Variants in FSHR observed in about 807,000 individuals in gnomAD.
FSHR encodes the protein follicle-stimulating hormone receptor.
In FSHR, 46 loss-of-function variants were observed where a neutral mutation model predicts 52.1. The observed-to-expected ratio is 0.88, with a 90% CI of 0.70 to 1.13. The LOEUF (loss-of-function observed/expected upper bound fraction) is 1.13. Ranked by LOEUF, FSHR falls within the 50% of genes most tolerant of loss-of-function variation. The probability of loss-of-function intolerance (pLI) is 0.00; values close to 1 mark genes in which losing one functional copy is unlikely to be tolerated. For missense variants in FSHR, 964 were observed against 834.6 expected (o/e 1.16, Z -1.91); for synonymous variants, 399 against 309.6 (o/e 1.29, Z -3.03).
At chr2:49,139,060 C>G (rs142742669) in intron 1 of FSHR, among the ~76,000 whole-genome samples, 82 of 152,226 alleles carry the variant, frequency 5.4e-4, no homozygotes, top group African/African-American at 1.9e-3. Flanking sequence ...TTAGACAAAT[C>G]ATTTCATTTC....
intron 2 of FSHR, among the ~76,000 whole-genome samples, chr2:49,036,125 A>T (rs189470176): frequency 2.0e-5 from 3 of 152,216 alleles, no homozygotes; most frequent in Admixed American, 6.5e-5. Context: ...TAGATTCTCT[A>T]TTATGATGGA....
intron 8 of FSHR, among the ~76,000 whole-genome samples, chr2:48,970,267 C>T (rs1308495940): frequency 1.3e-5 from 2 of 152,154 alleles, no homozygotes; most frequent in African/African-American, 4.8e-5. Context: ...ACTTCCATTT[C>T]CCAAGCAAAT....
intron 3 of FSHR, among the ~76,000 whole-genome samples, chr2:49,019,394 T>C (rs1250342950): frequency 6.6e-6 from 1 of 152,220 alleles, no homozygotes; most frequent in Non-Finnish European, 1.5e-5. Context: ...TGACATTCTA[T>C]GATTCTATGA....
chr2:49,081,495 G>C (rs889620103), intron 1 of FSHR, among the ~76,000 whole-genome samples: 9 of 151,912 alleles, frequency 5.9e-5, no homozygotes, highest in Non-Finnish European at 1.3e-4. Flanking sequence ...TTCTCACCAG[G>C]GCATATCCCA....
At chr2:49,144,538 C>G (rs1672800538) in intron 1 of FSHR, among the ~76,000 whole-genome samples, 1 of 152,170 alleles carries the variant, frequency 6.6e-6, no homozygotes, top group Non-Finnish European at 1.5e-5. Flanking sequence ...CAGATGACCT[C>G]TTTGCTGTTC....
At chr2:48,967,455 A>T (rs1381582976) in intron 9 of FSHR, among the ~76,000 whole-genome samples, 1 of 152,084 alleles carries the variant, frequency 6.6e-6, no homozygotes, top group East Asian at 1.9e-4. Flanking sequence ...ACTTGGTGCA[A>T]AATTGGTATC....
chr2:49,058,455 G>A (rs769347952), intron 2 of FSHR, among the ~76,000 whole-genome samples: 4 of 152,034 alleles, frequency 2.6e-5, no homozygotes, highest in Non-Finnish European at 4.4e-5. Context: ...GCTGAGGCAG[G>A]GGAATCGCTG....
intron 4 of FSHR, among the ~76,000 whole-genome samples, chr2:48,998,736 C>G (rs1208139931): frequency 6.6e-6 from 1 of 151,728 alleles, no homozygotes; most frequent in Admixed American, 6.6e-5. Flanking sequence ...CCATTAAAAT[C>G]TAATATTACA....
intron 2 of FSHR, among the ~76,000 whole-genome samples, chr2:49,041,904 T>G (rs57839935): frequency 0.11 from 16,031 of 152,084 alleles, 1,539 homozygotes; most frequent in African/African-American, 0.23. Context: ...CTTAGCATGT[T>G]GGGAGGCCAA....
At chr2:49,050,258 A>G (rs1572680166) in intron 2 of FSHR, among the ~76,000 whole-genome samples, 1 of 152,188 alleles carries the variant, frequency 6.6e-6, no homozygotes, top group Non-Finnish European at 1.5e-5. Flanking sequence ...CAGCAAGCTC[A>G]GTTTGCAAAC....
At chr2:49,004,343 A>C (rs1171417439) in intron 4 of FSHR, among the ~76,000 whole-genome samples, 1 of 152,174 alleles carries the variant, frequency 6.6e-6, no homozygotes, top group East Asian at 1.9e-4. Flanking sequence ...TAAGCTTCTC[A>C]CTGCTTCTGC....
rs1674924876 is a variant in FSHR, at chr2:48,975,041, T to TA, written c.669-6159dup. On this transcript the variant is annotated intron_variant, in intron 8 of 9. Coordinates refer to ENST00000406846, the MANE Select transcript of FSHR (RefSeq NM_000145.4). ...TCAGTTATTCACATCTTCATGGGAG[T>TA]ACATTATTGTGACCACGATAGTTAA... is the stretch of plus-strand genomic sequence containing the variant. Among the ~76,000 whole-genome samples the TA allele has an allele frequency of 2.6e-5, 4 of 152,094 alleles. No individual in the cohort carries two copies. In the East Asian group the frequency reaches 7.7e-4, roughly 29 times the overall value.
At chr2:49,030,558 T>C (rs1668067232) in intron 2 of FSHR, among the ~76,000 whole-genome samples, 3 of 152,158 alleles carry the variant, frequency 2.0e-5, no homozygotes. Context: ...GCTTCCTTTA[T>C]GAGCCACAGT....
At chr2:49,090,245 A>G (rs1481937498) in intron 1 of FSHR, among the ~76,000 whole-genome samples, 1 of 152,136 alleles carries the variant, frequency 6.6e-6, no homozygotes, top group Non-Finnish European at 1.5e-5. Flanking sequence ...CATCACCACA[A>G]AACTCCCTTG....
intron 4 of FSHR, among the ~76,000 whole-genome samples, chr2:48,999,224 C>G (rs1195459812): frequency 6.6e-6 from 1 of 151,932 alleles, no homozygotes; most frequent in Non-Finnish European, 1.5e-5. Flanking sequence ...TTCCTATGTA[C>G]CAGGTACCGC....
chr2:49,080,464 A>T (rs1339730828), intron 1 of FSHR, among the ~76,000 whole-genome samples: 1 of 152,192 alleles, frequency 6.6e-6, no homozygotes, highest in African/African-American at 2.4e-5. Flanking sequence ...CATAAATACA[A>T]TTAATGCACT....
At chr2:49,030,532 A>G (rs1347992995) in intron 2 of FSHR, among the ~76,000 whole-genome samples, 2 of 152,048 alleles carry the variant, frequency 1.3e-5, no homozygotes, top group African/African-American at 4.8e-5. Flanking sequence ...TTTAAATCTT[A>G]TCTTGGCTTG....
chr2:49,131,370 G>A lies in FSHR; in HGVS notation c.152+22896C>T, dbSNP rs1008264543. On this transcript the variant is annotated intron_variant, in intron 1 of 9. Transcript: ENST00000406846. ...TTTAAGTAAGTCAGAAACATAGGAT[G>A]TTGAATCCAAAGACCCTCTAAGCAT... Among the ~76,000 whole-genome samples the A allele has an allele frequency of 4.6e-5, 7 of 152,292 alleles. No individual in the cohort carries two copies. In the South Asian group the frequency reaches 1.4e-3, roughly 32 times the overall value.
intron 1 of FSHR, among the ~76,000 whole-genome samples, chr2:49,084,906 T>C (rs1392407745): frequency 6.6e-6 from 1 of 152,142 alleles, no homozygotes; most frequent in African/African-American, 2.4e-5. Flanking sequence ...AGCTGAATTC[T>C]ACCAGAGGTA....
Sources: allele counts gnomAD v4.1 joint callset (sites outside exome capture counted in the v4.1 genomes callset), GRCh38; gene constraint gnomAD v4.1.1; transcripts MANE v1.5; gene names NCBI Gene and HGNC (gene_info 2026-07-23, HGNC 2026-07-21).